INSL6: variants seen among roughly 807,000 people sequenced by gnomAD.
INSL6 encodes the protein insulin-like peptide INSL6.
INSL6 carries 16 observed loss-of-function variants against 9.4 expected under a neutral mutation model. The ratio of observed to expected loss-of-function variants is 1.70; its 90% CI spans 1.15 to 2.59. The LOEUF is 2.59. Ranked by LOEUF, INSL6 falls within the 30% of genes most tolerant of loss-of-function variation. INSL6 has a pLI of 0.00. For missense variants in INSL6, 391 were observed against 257.3 expected (o/e 1.52, Z -3.56); for synonymous variants, 154 against 96.9 (o/e 1.59, Z -3.46).
chr9:5,034,244 G>A, the INSL6 span, among the ~76,000 whole-genome samples: 16 of 152,100 alleles, frequency 1.1e-4, no homozygotes, highest in African/African-American at 3.9e-4. Flanking sequence ...CATAAAGCAA[G>A]TCCTTAGAGA....
chr9:5,113,779 G>A, the INSL6 span: 13 of 164,294 alleles, frequency 7.9e-5, no homozygotes, highest in African/African-American at 1.4e-4. Flanking sequence ...CCTCGGGTGC[G>A]TGGGCCAAAC....
At chr9:5,055,926 G>C in the INSL6 span, 21 of 713,118 alleles carry the variant, frequency 2.9e-5, no homozygotes, top group Non-Finnish European at 4.6e-5. Flanking sequence ...CATCAGTTCA[G>C]TAAACTTTTT....
the INSL6 span, among the ~76,000 whole-genome samples, chr9:4,998,528 T>A: frequency 6.6e-6 from 1 of 152,148 alleles, no homozygotes; most frequent in Non-Finnish European, 1.5e-5. Context: ...GTGCTGGGAT[T>A]ACAGGCATGA....
chr9:5,072,798 T>C, the INSL6 span, among the ~76,000 whole-genome samples: 35,593 of 152,000 alleles, frequency 0.23, 4,583 homozygotes, highest in South Asian at 0.3. Flanking sequence ...GGTTTGAAAA[T>C]TACCGGATTA....
chr9:5,131,722 G>A (rs887806718), intron 3 of INSL6, among the ~76,000 whole-genome samples: 28 of 152,150 alleles, frequency 1.8e-4, no homozygotes, highest in African/African-American at 6.5e-4. Flanking sequence ...TTACAGGCAT[G>A]AGGCACTGCG....
chr9:5,106,025 G>A, the INSL6 span, among the ~76,000 whole-genome samples: 2 of 152,130 alleles, frequency 1.3e-5, no homozygotes, highest in East Asian at 3.9e-4. Context: ...TGATGAAAAC[G>A]CCAGAAACAA....
At chr9:5,155,231 A>G (rs1447416317) in intron 2 of INSL6, among the ~76,000 whole-genome samples, 3 of 151,556 alleles carry the variant, frequency 2.0e-5, no homozygotes, top group African/African-American at 7.3e-5. Context: ...AAGGACAAAA[A>G]ACCAAACACT....
At chr9:5,028,345 C>A in the INSL6 span, among the ~76,000 whole-genome samples, 1 of 152,160 alleles carries the variant, frequency 6.6e-6, no homozygotes, top group Non-Finnish European at 1.5e-5. Flanking sequence ...TTAAAATATT[C>A]AGTAAACCAC....
chr9:4,994,329 C>G, the INSL6 span, among the ~76,000 whole-genome samples: 24 of 152,160 alleles, frequency 1.6e-4, no homozygotes, highest in African/African-American at 4.3e-4. Flanking sequence ...AGAACTGTTT[C>G]CTAACCCACT....
the INSL6 span, chr9:5,055,693 C>G: frequency 6.3e-7 from 1 of 1,580,212 alleles, no homozygotes; most frequent in Non-Finnish European, 8.7e-7. Flanking sequence ...TTGCGATTTT[C>G]CTAATATTAT....
the INSL6 span, chr9:5,111,882 C>G: frequency 2.7e-6 from 1 of 373,310 alleles, no homozygotes; most frequent in African/African-American, 2.2e-5. Context: ...CCACAGCCAG[C>G]AGCTCTGGGG....
At chr9:5,077,464 C>G in the INSL6 span, 2 of 1,172,558 alleles carry the variant, frequency 1.7e-6, no homozygotes, top group Non-Finnish European at 2.3e-6. Context: ...TATTCTGGTT[C>G]AGGAGTTTGT....
At chr9:5,039,363 T>G in the INSL6 span, among the ~76,000 whole-genome samples, 2 of 152,158 alleles carry the variant, frequency 1.3e-5, no homozygotes, top group African/African-American at 4.8e-5. Flanking sequence ...GTATAACAAC[T>G]ATTTACATAA....
Position 5,132,521 on chromosome 9 carries a change from C to G in INSL6, c.*10+904G>C, listed in dbSNP as rs990822081. Among the ~76,000 whole-genome samples, 3 of 151,394 alleles carry G rather than the reference C, an allele frequency of 2.0e-5. No individual in the cohort carries two copies. The South Asian group carries it at 6.3e-4, about 32-fold the overall frequency. On this transcript the variant is annotated intron_variant, in intron 3 of 3. Transcript: ENST00000649639. ...TCCAACAACTTAGCTGTTTAACAATCAGATTCTTAGTAAAACATTTTTTCT... is the reference window on the plus strand; with the variant it reads ...TCCAACAACTTAGCTGTTTAACAATGAGATTCTTAGTAAAACATTTTTTCT...
the INSL6 span, chr9:5,086,123 C>T: frequency 2.2e-5 from 9 of 412,608 alleles, no homozygotes; most frequent in South Asian, 1.1e-4. Flanking sequence ...TCGGCAGCGG[C>T]GCGCGGCCCC....
the INSL6 span, chr9:5,029,920 T>G: frequency 6.4e-7 from 1 of 1,571,220 alleles, no homozygotes; most frequent in Admixed American, 2.0e-5. Context: ...CTTTCTTCAG[T>G]AAAGTAACTC....
the INSL6 span, chr9:5,111,208 G>A: frequency 1.1e-5 from 7 of 617,940 alleles, no homozygotes; most frequent in South Asian, 9.0e-5. Flanking sequence ...GGGACTCGGA[G>A]GCAAGAGCAG....
the INSL6 span, among the ~76,000 whole-genome samples, chr9:5,023,644 G>A: frequency 6.6e-6 from 1 of 152,136 alleles, no homozygotes; most frequent in South Asian, 2.1e-4. Context: ...CTAGCTTCTT[G>A]CCAATCCCGG....
intron 3 of INSL6, chr9:5,126,693 A>T (rs1353496335): frequency 6.2e-7 from 1 of 1,607,730 alleles, no homozygotes; most frequent in Non-Finnish European, 8.5e-7. Context: ...GATCTATATG[A>T]TCATGACAGA....
Sources: gnomAD v4.1 joint callset for allele counts (sites outside exome capture counted in the v4.1 genomes callset) on GRCh38, gnomAD v4.1.1 for gene constraint, MANE v1.5 for transcripts, NCBI Gene and HGNC (gene_info 2026-07-23, HGNC 2026-07-21) for gene names.